The following RAP1A variants were observed in gnomAD, a reference collection of about 807,000 sequenced individuals.
RAP1A encodes ras-related protein Rap-1A.
A neutral mutation model predicts 26.4 loss-of-function variants in RAP1A; 6 were observed. That is an observed-to-expected ratio of 0.23 (90% CI 0.12 to 0.45). The LOEUF is 0.45. RAP1A is among the 20% of genes least tolerant of loss of function. The pLI, the probability that RAP1A is intolerant of heterozygous loss-of-function variation, is 0.99. For synonymous variants in RAP1A, 73 were observed against 79.4 expected (o/e 0.92, Z 0.43); for missense variants, 121 against 217.2 (o/e 0.56, Z 2.78).
At position 111,697,432 on chromosome 1, in the gene RAP1A, C is replaced by A; in HGVS notation, c.127-9C>A. 1 of 1,584,432 alleles carries A rather than the reference C, an allele frequency of 6.3e-7. No individual in the cohort carries two copies. Among genetic ancestry groups the A allele is most frequent in the Non-Finnish European group, 8.6e-7 (1 of 1,169,002 alleles). The stretch of plus-strand genomic sequence containing the variant: ...CTCTTTAACCTTTTTTTTTTTTTTG[C>A]CCCCACAGCAAGTTGAAGTCGATTG... On this transcript the variant is annotated splice_polypyrimidine_tract_variant and intron_variant, in intron 3 of 7. Coordinates refer to ENST00000369709, the MANE Select transcript of RAP1A (RefSeq NM_002884.4).
At chr1:111,555,182 G>A (rs897201630) in intron 1 of RAP1A, among the ~76,000 whole-genome samples, 5 of 151,604 alleles carry the variant, frequency 3.3e-5, no homozygotes, top group African/African-American at 9.7e-5. Context: ...CCTGGCCAAC[G>A]TGACAAGACC....
chr1:111,629,047 C>T (rs887456484), intron 1 of RAP1A, among the ~76,000 whole-genome samples: 3 of 152,062 alleles, frequency 2.0e-5, no homozygotes, highest in Non-Finnish European at 4.4e-5. Context: ...TAAAACTCTT[C>T]ACTGTAAGGT....
intron 1 of RAP1A, among the ~76,000 whole-genome samples, chr1:111,575,855 G>A (rs116044138): frequency 0.01 from 1,586 of 152,256 alleles, 22 homozygotes; most frequent in African/African-American, 0.036. Context: ...TAATACAATA[G>A]GAGAAATAAT....
chr1:111,647,177 C>A (rs1011701017), intron 1 of RAP1A, among the ~76,000 whole-genome samples: 1 of 149,624 alleles, frequency 6.7e-6, no homozygotes, highest in African/African-American at 2.6e-5. Context: ...GCATTAGATT[C>A]TCATAGGAGT....
At chr1:111,703,529 A>G (rs1168346864) in intron 5 of RAP1A, 53 bp downstream of exon 5, 4 of 1,412,830 alleles carry the variant, frequency 2.8e-6, no homozygotes, top group Non-Finnish European at 2.8e-6. Flanking sequence ...GTGGCCAAAT[A>G]AAAAAGTGCC....
chr1:111,584,911 G>T (rs1035968922), intron 1 of RAP1A, among the ~76,000 whole-genome samples: 1 of 152,182 alleles, frequency 6.6e-6, no homozygotes, highest in African/African-American at 2.4e-5. Flanking sequence ...CACTACAAGA[G>T]TCTGCAGCTT....
At chr1:111,629,212 T>C (rs1255637944) in intron 1 of RAP1A, among the ~76,000 whole-genome samples, 4 of 152,238 alleles carry the variant, frequency 2.6e-5, no homozygotes, top group Admixed American at 2.0e-4. Flanking sequence ...AAATGGGAAA[T>C]TGTGTGTATG....
intron 4 of RAP1A, among the ~76,000 whole-genome samples, chr1:111,702,729 G>A (rs1331531141): frequency 8.4e-6 from 1 of 118,746 alleles, no homozygotes; most frequent in Admixed American, 9.7e-5. Flanking sequence ...CCCGGCTAAT[G>A]TTGTATTTTT....
In RAP1A at chr1:111,587,511, G is replaced by A. The variant is rs61788216; in HGVS notation, c.-28+45002G>A. Among the ~76,000 whole-genome samples the A allele has an allele frequency of 1.5e-3, 222 of 152,008 alleles. 2 individuals carry two copies. Among genetic ancestry groups the A allele is most frequent in the Non-Finnish European group, 2.4e-3 (160 of 67,986 alleles). On this transcript the variant is annotated intron_variant, in intron 1 of 7. Transcript: ENST00000356415. ...GCCTCAGGAAACTGTTACTCTATTC[G>A]TTATCCTCTCTATCTCCTTTACTCC...
intron 1 of RAP1A, among the ~76,000 whole-genome samples, chr1:111,652,003 T>G (rs1660289095): frequency 6.6e-6 from 1 of 152,106 alleles, no homozygotes; most frequent in Admixed American, 6.5e-5. Flanking sequence ...AGACGGAGTC[T>G]CGCTCTGTCA....
chr1:111,690,877 T>C (rs1661644921), intron 1 of RAP1A, among the ~76,000 whole-genome samples: 2 of 152,224 alleles, frequency 1.3e-5, no homozygotes, highest in Admixed American at 1.3e-4. Flanking sequence ...GGTTCAGCTA[T>C]AATACAATAA....
chr1:111,580,286 G>A (rs942528295), intron 1 of RAP1A, among the ~76,000 whole-genome samples: 4 of 152,102 alleles, frequency 2.6e-5, no homozygotes, highest in East Asian at 1.9e-4. Flanking sequence ...TATTTGCATC[G>A]CCAGGATCTA....
At chr1:111,595,038 T>C (rs1658541618) in intron 1 of RAP1A, among the ~76,000 whole-genome samples, 1 of 152,242 alleles carries the variant, frequency 6.6e-6, no homozygotes, top group Non-Finnish European at 1.5e-5. Context: ...TTGCTAAATA[T>C]ATATTACTGT....
intron 1 of RAP1A, among the ~76,000 whole-genome samples, chr1:111,560,537 G>T (rs915002241): frequency 6.6e-6 from 1 of 150,686 alleles, no homozygotes; most frequent in Non-Finnish European, 1.5e-5. Context: ...CACTGAGGCT[G>T]GAGTGCAATG....
chr1:111,558,025 T>A (rs1028347453), intron 1 of RAP1A, among the ~76,000 whole-genome samples: 1 of 150,618 alleles, frequency 6.6e-6, no homozygotes, highest in Non-Finnish European at 1.5e-5. Context: ...AGAATCTGAA[T>A]CCAAAAGAAA....
intron 1 of RAP1A, among the ~76,000 whole-genome samples, chr1:111,583,205 A>G (rs2101061893): frequency 6.6e-6 from 1 of 151,924 alleles, no homozygotes; most frequent in Admixed American, 6.6e-5. Flanking sequence ...AGCAGTATAC[A>G]TCCCAGGCTG....
At chr1:111,649,473 G>T (rs554331355) in intron 1 of RAP1A, 1 of 314,964 alleles carries the variant, frequency 3.2e-6, no homozygotes. Context: ...CTGGCCAGGC[G>T]CCATAGCTGG....
intron 1 of RAP1A, among the ~76,000 whole-genome samples, chr1:111,591,738 T>G (rs1351413952): frequency 1.3e-5 from 2 of 152,232 alleles, no homozygotes; most frequent in Non-Finnish European, 2.9e-5. Flanking sequence ...CCTTCTATCT[T>G]TCTGTTCTGT....
chr1:111,633,369 A>C (rs983114364), intron 1 of RAP1A, among the ~76,000 whole-genome samples: 2 of 152,228 alleles, frequency 1.3e-5, no homozygotes, highest in Non-Finnish European at 2.9e-5. Flanking sequence ...TATAAAGTGC[A>C]AGTATCAATT....
Sources: allele counts gnomAD v4.1 joint callset (sites outside exome capture counted in the v4.1 genomes callset), GRCh38; gene constraint gnomAD v4.1.1; transcripts MANE v1.5; gene names NCBI Gene and HGNC (gene_info 2026-07-23, HGNC 2026-07-21).